The following MEOX2 variants were observed in gnomAD, a reference collection of about 807,000 sequenced individuals.
MEOX2 encodes the protein homeobox protein MOX-2.
In MEOX2, 11 loss-of-function variants were observed where a neutral mutation model predicts 27.0. The observed-to-expected ratio is 0.41, with a 90% CI of 0.26 to 0.68. The LOEUF is 0.68. Among genes scored for constraint, MEOX2 ranks in the 30% least tolerant of loss-of-function variants. The pLI, the probability that MEOX2 is intolerant of heterozygous loss-of-function variation, is 0.33. For synonymous variants in MEOX2, 189 were observed against 155.4 expected, an observed-to-expected ratio of 1.22 and a Z score of -1.61; for missense variants, 436 against 385.4, an observed-to-expected ratio of 1.13 and a Z score of -1.10.
At chr7:15,661,169 T>C (rs1441175440) in intron 1 of MEOX2, among the ~76,000 whole-genome samples, 1 of 152,038 alleles carries the variant, frequency 6.6e-6, no homozygotes, top group East Asian at 1.9e-4. Context: ...GCCCAGAATG[T>C]AAAATTGGTA....
chr7:15,675,370 G>A (rs1782175973), intron 1 of MEOX2, among the ~76,000 whole-genome samples: 2 of 152,142 alleles, frequency 1.3e-5, no homozygotes, highest in South Asian at 4.1e-4. Context: ...TCTGGGAGAG[G>A]TAATTTACAC....
intron 1 of MEOX2, among the ~76,000 whole-genome samples, chr7:15,639,827 T>C (rs747855892): frequency 1.6e-4 from 24 of 152,318 alleles, no homozygotes; most frequent in Non-Finnish European, 3.2e-4. Flanking sequence ...TCTATGTGTC[T>C]ATTGTACCAG....
intron 1 of MEOX2, among the ~76,000 whole-genome samples, chr7:15,657,202 C>T (rs771515958): frequency 1.3e-4 from 20 of 152,050 alleles, no homozygotes; most frequent in Non-Finnish European, 2.1e-4. Flanking sequence ...AGGATTCTCG[C>T]AGCTGCTTGT....
At chr7:15,676,066 G>A (rs1055877289) in intron 1 of MEOX2, 1 of 152,154 alleles carries the variant, frequency 6.6e-6, no homozygotes, top group Non-Finnish European at 1.5e-5. Context: ...TTTCGCTGAA[G>A]TCATGTCTGA....
At chr7:15,672,441 C>T (rs1782114452) in intron 1 of MEOX2, among the ~76,000 whole-genome samples, 1 of 152,144 alleles carries the variant, frequency 6.6e-6, no homozygotes, top group Admixed American at 6.5e-5. Context: ...TGACAGTTTC[C>T]AAATTCTTAA....
chr7:15,638,715 T>A (rs1050070128), intron 1 of MEOX2, among the ~76,000 whole-genome samples: 2 of 152,038 alleles, frequency 1.3e-5, no homozygotes, highest in South Asian at 2.1e-4. Context: ...AGCTTCCACT[T>A]GTAAGTGAGA....
intron 1 of MEOX2, among the ~76,000 whole-genome samples, chr7:15,661,871 C>T (rs907535073): frequency 6.6e-6 from 1 of 152,130 alleles, no homozygotes; most frequent in South Asian, 2.1e-4. Context: ...GGGTGGCAAA[C>T]ATAGATGCTA....
At chr7:15,676,376 A>G (rs1327375527) in intron 1 of MEOX2, among the ~76,000 whole-genome samples, 1 of 152,200 alleles carries the variant, frequency 6.6e-6, no homozygotes, top group Non-Finnish European at 1.5e-5. Flanking sequence ...TGCAACTGGA[A>G]CTGCTAAAAA....
At chr7:15,643,378 A>G (rs1296572502) in intron 1 of MEOX2, among the ~76,000 whole-genome samples, 1 of 152,206 alleles carries the variant, frequency 6.6e-6, no homozygotes, top group Non-Finnish European at 1.5e-5. Flanking sequence ...AGGCTCTCCA[A>G]GGCAGGTACA....
chr7:15,655,208 A>G (rs943036613), intron 1 of MEOX2, among the ~76,000 whole-genome samples: 1 of 151,638 alleles, frequency 6.6e-6, no homozygotes, highest in Admixed American at 6.6e-5. Flanking sequence ...TTTGATGTCT[A>G]CAGTATTTGT....
At chr7:15,677,813 AT>A (rs1361221307) in intron 1 of MEOX2, among the ~76,000 whole-genome samples, 6 of 152,138 alleles carry the variant, frequency 3.9e-5, no homozygotes, top group Non-Finnish European at 8.8e-5. Flanking sequence ...TGTGACATCT[AT>A]TTCCTTGTCT....
chr7:15,629,626 A>G (rs904688203), intron 1 of MEOX2, among the ~76,000 whole-genome samples: 2 of 152,106 alleles, frequency 1.3e-5, no homozygotes, highest in Non-Finnish European at 2.9e-5. Context: ...TTGAAGTGGC[A>G]CCAGTGTTGA....
At chr7:15,651,335 T>C (rs1781730002) in intron 1 of MEOX2, among the ~76,000 whole-genome samples, 1 of 152,008 alleles carries the variant, frequency 6.6e-6, no homozygotes, top group East Asian at 1.9e-4. Context: ...AGGTATTGAA[T>C]AAAAAATAAT....
chr7:15,664,544 T>G (rs1025278379), intron 1 of MEOX2, among the ~76,000 whole-genome samples: 35 of 152,130 alleles, frequency 2.3e-4, no homozygotes, highest in African/African-American at 7.5e-4. Flanking sequence ...AGACCCCACC[T>G]TTCTAGTAAA....
At chr7:15,637,327 T>C (rs1470557507) in intron 1 of MEOX2, among the ~76,000 whole-genome samples, 12 of 152,038 alleles carry the variant, frequency 7.9e-5, no homozygotes, top group Admixed American at 5.3e-4. Context: ...ACATACGTCA[T>C]AGGTTACATC....
Position 15,626,930 on chromosome 7 carries a change from G to A in MEOX2, c.518-12C>T. Reference sequence around the variant, plus strand: ...TCCTTCCTGGGAGTCTGAAAAAAAAGGGAGACAGAATTGGTAATAACTCAT... The same window carrying A: ...TCCTTCCTGGGAGTCTGAAAAAAAAAGGAGACAGAATTGGTAATAACTCAT... On this transcript the variant is annotated splice_polypyrimidine_tract_variant and intron_variant, in intron 1 of 2. Coordinates refer to ENST00000262041, the MANE Select transcript of MEOX2 (RefSeq NM_005924.5). The A allele has an allele frequency of 6.2e-7, 1 of 1,609,508 alleles. No homozygotes were observed. The highest frequency in any genetic ancestry group is 8.5e-7 in the Non-Finnish European group (1 of 1,177,032).
chr7:15,677,346 A>G (rs1454307311), intron 1 of MEOX2: 8 of 152,162 alleles, frequency 5.3e-5, no homozygotes, highest in Non-Finnish European at 1.0e-4. Flanking sequence ...GATGGTAGAG[A>G]AAAGTTAAAT....
intron 1 of MEOX2, among the ~76,000 whole-genome samples, chr7:15,667,307 A>AAAAAAAG (rs1782024820): frequency 6.8e-6 from 1 of 147,862 alleles, no homozygotes; most frequent in Non-Finnish European, 1.5e-5. Flanking sequence ...AAAAAAAAAA[A>AAAAAAAG]AAAAAGTAGG....
chr7:15,663,396 G>A (rs1382801644), intron 1 of MEOX2, among the ~76,000 whole-genome samples: 4 of 150,760 alleles, frequency 2.7e-5, no homozygotes, highest in Non-Finnish European at 4.4e-5. Context: ...GCAGTGGCAC[G>A]ATCTCAGCTC....
Sources: gnomAD v4.1 joint callset for allele counts (sites outside exome capture counted in the v4.1 genomes callset) on GRCh38, gnomAD v4.1.1 for gene constraint, MANE v1.5 for transcripts, NCBI Gene and HGNC (gene_info 2026-07-23, HGNC 2026-07-21) for gene names.